The following CADM2 variants were observed in gnomAD, a reference collection of about 807,000 sequenced individuals.
CADM2 encodes immunoglobulin superfamily member 4D.
Under a neutral mutation model 49.8 loss-of-function variants are expected in CADM2, and 12 were observed. The ratio of observed to expected loss-of-function variants is 0.24; its 90% CI spans 0.15 to 0.39. The LOEUF (loss-of-function observed/expected upper bound fraction) is 0.39. Ranked by LOEUF, CADM2 falls within the 10% of genes least tolerant of loss-of-function variation. The pLI is 1.00. For synonymous variants in CADM2, 214 were observed against 175.4 expected, an observed-to-expected ratio of 1.22 and a Z score of -1.74; for missense variants, 378 against 492.3, an observed-to-expected ratio of 0.77 and a Z score of 2.20.
intron 1 of CADM2, among the ~76,000 whole-genome samples, chr3:84,971,438 C>T (rs892773448): frequency 6.6e-6 from 1 of 152,054 alleles, no homozygotes; most frequent in African/African-American, 2.4e-5. Flanking sequence ...TTTTTATCAA[C>T]ATAGAAATGC....
At chr3:85,857,260 C>T (rs2075352813) in intron 3 of CADM2, among the ~76,000 whole-genome samples, 1 of 151,986 alleles carries the variant, frequency 6.6e-6, no homozygotes, top group African/African-American at 2.4e-5. Context: ...GGCTTTTGGA[C>T]AGAATGAAAC....
chr3:85,395,089 C>T (rs979353737), intron 1 of CADM2, among the ~76,000 whole-genome samples: 10 of 150,956 alleles, frequency 6.6e-5, no homozygotes, highest in Non-Finnish European at 1.3e-4. Context: ...AACGAATGCA[C>T]GCCTGGGATA....
intron 1 of CADM2, among the ~76,000 whole-genome samples, chr3:85,390,163 C>A (rs1457662248): frequency 1.3e-5 from 2 of 151,914 alleles, no homozygotes; most frequent in African/African-American, 2.4e-5. Flanking sequence ...TAATGGGAGA[C>A]CTCATGCTAG....
At chr3:85,454,433 A>T (rs963080392) in intron 1 of CADM2, among the ~76,000 whole-genome samples, 1 of 152,178 alleles carries the variant, frequency 6.6e-6, no homozygotes, top group Non-Finnish European at 1.5e-5. Context: ...AGGATCACTG[A>T]GGAAAAAAAT....
chr3:85,362,877 A>G (rs958549607), intron 1 of CADM2, among the ~76,000 whole-genome samples: 2 of 152,222 alleles, frequency 1.3e-5, no homozygotes, highest in African/African-American at 2.4e-5. Context: ...AAGGAAATAT[A>G]TAGTTAAAGG....
At chr3:85,784,875 A>G (rs1439259155) in intron 2 of CADM2, among the ~76,000 whole-genome samples, 1 of 152,120 alleles carries the variant, frequency 6.6e-6, no homozygotes, top group Non-Finnish European at 1.5e-5. Context: ...TTAGTTCTTT[A>G]AATATTTGTA....
intron 1 of CADM2, among the ~76,000 whole-genome samples, chr3:85,196,744 A>G (rs958708383): frequency 6.6e-6 from 1 of 151,906 alleles, no homozygotes; most frequent in African/African-American, 2.4e-5. Flanking sequence ...AAACATCTCT[A>G]TATTTTTGTT....
At chr3:85,601,658 A>G (rs1450370144) in intron 1 of CADM2, among the ~76,000 whole-genome samples, 1 of 151,506 alleles carries the variant, frequency 6.6e-6, no homozygotes, top group Non-Finnish European at 1.5e-5. Flanking sequence ...ATTCAGGTTA[A>G]TGAGTATTTG....
chr3:85,130,465 C>T (rs747875556), intron 1 of CADM2, among the ~76,000 whole-genome samples: 10 of 151,956 alleles, frequency 6.6e-5, no homozygotes, highest in Non-Finnish European at 1.5e-5. Context: ...TGCAGAATGC[C>T]CAAAGTTTCT....
intron 7 of CADM2, among the ~76,000 whole-genome samples, chr3:85,960,723 A>T (rs1241260598): frequency 6.6e-6 from 1 of 151,778 alleles, no homozygotes; most frequent in East Asian, 2.0e-4. Flanking sequence ...CTTCTTTTCT[A>T]AAAGCATATT....
intron 1 of CADM2, among the ~76,000 whole-genome samples, chr3:85,491,032 T>G (rs534949207): frequency 6.6e-6 from 1 of 152,340 alleles, no homozygotes; most frequent in South Asian, 2.1e-4. Flanking sequence ...TCAGAACACT[T>G]AGATTATCAT....
At chr3:85,787,286 G>A (rs547597344) in intron 2 of CADM2, among the ~76,000 whole-genome samples, 6 of 152,144 alleles carry the variant, frequency 3.9e-5, no homozygotes, top group Non-Finnish European at 7.4e-5. Flanking sequence ...CATTTAATAG[G>A]AAGTATTTTG....
chr3:85,613,959 A>C (rs966977377), intron 1 of CADM2, among the ~76,000 whole-genome samples: 4 of 151,808 alleles, frequency 2.6e-5, no homozygotes, highest in Middle Eastern at 3.4e-3. Flanking sequence ...TAATAAATAA[A>C]TGTTCATTTA....
chr3:85,270,747 G>T (rs568042001), intron 1 of CADM2, among the ~76,000 whole-genome samples: 1 of 151,370 alleles, frequency 6.6e-6, no homozygotes, highest in East Asian at 1.9e-4. Context: ...CTATTAAGTA[G>T]AACACTTATG....
At chr3:85,311,385 A>T (rs13097955) in intron 1 of CADM2, among the ~76,000 whole-genome samples, 60,097 of 145,800 alleles carry the variant, frequency 0.41, 14,154 homozygotes, top group Admixed American at 0.56. Context: ...TATTATTATT[A>T]TTTTTTTTGA....
chr3:85,117,352 G>C (rs2038676125), intron 1 of CADM2, among the ~76,000 whole-genome samples: 1 of 151,758 alleles, frequency 6.6e-6, no homozygotes, highest in Admixed American at 6.6e-5. Flanking sequence ...TAACCCTAAG[G>C]AATATTATCT....
chr3:86,028,695 A>G (rs557907880), intron 8 of CADM2, among the ~76,000 whole-genome samples: 4 of 152,284 alleles, frequency 2.6e-5, no homozygotes, highest in African/African-American at 9.6e-5. Context: ...ACTGCTTTAA[A>G]GGAAAGGCCA....
chr3:85,863,950 C>A (rs986223038), intron 3 of CADM2, among the ~76,000 whole-genome samples: 10 of 151,966 alleles, frequency 6.6e-5, no homozygotes, highest in Non-Finnish European at 1.2e-4. Context: ...TGGTGGTCAG[C>A]AAGTAGCATG....
At chr3:85,631,235 C>G (rs2064296347) in intron 1 of CADM2, among the ~76,000 whole-genome samples, 1 of 152,020 alleles carries the variant, frequency 6.6e-6, no homozygotes, top group Admixed American at 6.6e-5. Context: ...ATCTCCCACT[C>G]TCTCCAAGTC....
Sources: allele counts gnomAD v4.1 joint callset (sites outside exome capture counted in the v4.1 genomes callset), GRCh38; gene constraint gnomAD v4.1.1; transcripts MANE v1.5; gene names NCBI Gene and HGNC (gene_info 2026-07-23, HGNC 2026-07-21).